The following DMD variants were observed in gnomAD, a reference collection of about 807,000 sequenced individuals.
DMD encodes the protein dystrophin, also known as mutant dystrophin.
A neutral mutation model predicts 330.1 loss-of-function variants in DMD; 63 were observed. The ratio of observed to expected loss-of-function variants is 0.19; its 90% CI spans 0.16 to 0.24. The LOEUF (loss-of-function observed/expected upper bound fraction) is 0.24, where lower values mean the gene tolerates loss of function less well. Among genes scored for constraint, DMD ranks in the 10% least tolerant of loss-of-function variants. DMD has a pLI of 1.00. For missense variants in DMD, 3,344 were observed against 2,684.1 expected (o/e 1.25, Z -5.43); for synonymous variants, 1,223 against 959.8 (o/e 1.27, Z -5.07).
intron 2 of DMD, among the ~76,000 whole-genome samples, chrX:32,892,069 T>C (rs957334141): frequency 2.7e-5 from 3 of 112,043 alleles, no homozygotes; most frequent in African/African-American, 9.7e-5. Context: ...AACTCCAAGT[T>C]ACTTCCTGAA....
intron 52 of DMD, among the ~76,000 whole-genome samples, chrX:31,717,119 A>G (rs2085123823): frequency 1.8e-5 from 2 of 111,822 alleles, no homozygotes; most frequent in Non-Finnish European, 1.9e-5. Flanking sequence ...TTATATATGT[A>G]TAAGAGTTCC....
At chrX:32,693,610 TTG>T (rs1272050093) in intron 9 of DMD, among the ~76,000 whole-genome samples, 2 of 111,682 alleles carry the variant, frequency 1.8e-5, no homozygotes, top group Middle Eastern at 4.6e-3. Flanking sequence ...CGCTTAATTT[TTG>T]TGTTTTCAGT....
At chrX:33,173,591 T>C (rs978991794) in intron 1 of DMD, among the ~76,000 whole-genome samples, 9 of 111,391 alleles carry the variant, frequency 8.1e-5, no homozygotes. Context: ...TAATCTAATC[T>C]CATAAACAGT....
chrX:32,403,421 AGATT>A (rs2098098456), intron 30 of DMD, among the ~76,000 whole-genome samples: 1 of 111,875 alleles, frequency 8.9e-6, no homozygotes, highest in Admixed American at 9.5e-5. Context: ...ATTTGTAGAT[AGATT>A]TTTACAAAAG....
chrX:32,677,511 G>A (rs187150783), intron 9 of DMD, among the ~76,000 whole-genome samples: 1,195 of 111,196 alleles, frequency 0.011, 20 homozygotes, highest in African/African-American at 0.037. Context: ...AAATTAAAAT[G>A]AAATAAACTA....
intron 44 of DMD, among the ~76,000 whole-genome samples, chrX:31,987,960 TAAAGA>T (rs2095521007): frequency 8.9e-6 from 1 of 111,778 alleles, no homozygotes; most frequent in Non-Finnish European, 1.9e-5. Flanking sequence ...AATGGATGAA[TAAAGA>T]AAATATTGCA....
At chrX:32,174,594 C>T (rs2096899612) in intron 44 of DMD, among the ~76,000 whole-genome samples, 2 of 112,355 alleles carry the variant, frequency 1.8e-5, no homozygotes, top group Non-Finnish European at 3.8e-5. Context: ...AAAATATTTA[C>T]TCTCTGGCCC....
intron 1 of DMD, among the ~76,000 whole-genome samples, chrX:33,186,340 G>A (rs1244437764): frequency 8.9e-6 from 1 of 111,863 alleles, no homozygotes; most frequent in Non-Finnish European, 1.9e-5. Flanking sequence ...TTCTGTAAGA[G>A]ATACAAAGAT....
chrX:32,700,557 T>G (rs1161312016), intron 7 of DMD, among the ~76,000 whole-genome samples: 1 of 111,558 alleles, frequency 9.0e-6, no homozygotes, highest in African/African-American at 3.2e-5. Flanking sequence ...TTAAGTATAC[T>G]CACCATGAAA....
At chrX:31,857,855 T>C (rs967023492) in intron 48 of DMD, among the ~76,000 whole-genome samples, 5 of 109,926 alleles carry the variant, frequency 4.5e-5, no homozygotes, top group Non-Finnish European at 9.5e-5. Context: ...ATGAAATATA[T>C]AAGGAATTTA....
chrX:31,256,422 T>A (rs928394146), intron 63 of DMD, among the ~76,000 whole-genome samples: 4 of 111,919 alleles, frequency 3.6e-5, no homozygotes, highest in Non-Finnish European at 7.5e-5. Context: ...CAATATTTTC[T>A]CTCAATTTTT....
intron 44 of DMD, among the ~76,000 whole-genome samples, chrX:31,989,265 C>G (rs2095532966): frequency 9.0e-6 from 1 of 111,625 alleles, no homozygotes; most frequent in Non-Finnish European, 1.9e-5. Context: ...GTCTCGGTAC[C>G]CTGCGGCCCA....
chrX:31,950,772 T>C (rs2095151379), intron 45 of DMD, among the ~76,000 whole-genome samples: 2 of 110,678 alleles, frequency 1.8e-5, no homozygotes, highest in South Asian at 7.4e-4. Flanking sequence ...TCATAAAGTC[T>C]ATTTTGTCTG....
chrX:32,208,563 G>C (rs1171778531), intron 44 of DMD, among the ~76,000 whole-genome samples: 1 of 111,467 alleles, frequency 9.0e-6, no homozygotes, highest in African/African-American at 3.3e-5. Flanking sequence ...TGTCAATTAG[G>C]GGGCAGGAAA....
intron 2 of DMD, among the ~76,000 whole-genome samples, chrX:32,916,616 G>A (rs965905714): frequency 9.0e-6 from 1 of 111,441 alleles, no homozygotes; most frequent in Non-Finnish European, 1.9e-5. Context: ...AAAACCCATA[G>A]AAACTTTTTA....
chrX:33,321,139 C>T (rs1242032888), intron 1 of DMD, among the ~76,000 whole-genome samples: 5 of 111,267 alleles, frequency 4.5e-5, no homozygotes, highest in East Asian at 2.8e-4. Context: ...TGACCTCCTC[C>T]GATGAATCAT....
intron 43 of DMD, among the ~76,000 whole-genome samples, chrX:32,233,210 G>C (rs182851292): frequency 2.5e-3 from 285 of 111,927 alleles, no homozygotes; most frequent in African/African-American, 9.0e-3. Flanking sequence ...TGCTGTACTT[G>C]CTCCATGCAC....
At chrX:31,898,634 A>G (rs4995396) in intron 47 of DMD, among the ~76,000 whole-genome samples, 35,544 of 110,864 alleles carry the variant, frequency 0.32, 5,852 homozygotes, top group African/African-American at 0.65. Context: ...TGGATTAAAG[A>G]CTTAAACGTT....
intron 41 of DMD, among the ~76,000 whole-genome samples, chrX:32,333,343 G>A (rs1457513071): frequency 9.0e-6 from 1 of 111,015 alleles, no homozygotes. Flanking sequence ...TGTTATTCCT[G>A]AAAGAGAGTT....
Sources: gnomAD v4.1 joint callset for allele counts (sites outside exome capture counted in the v4.1 genomes callset) on GRCh38, gnomAD v4.1.1 for gene constraint, MANE v1.5 for transcripts, NCBI Gene and HGNC (gene_info 2026-07-23, HGNC 2026-07-21) for gene names.